MYB: variants seen among roughly 807,000 people sequenced by gnomAD.
MYB encodes MYB proto-oncogene, transcription factor.
In MYB, 28 loss-of-function variants were observed where a neutral mutation model predicts 92.9. That is an observed-to-expected ratio of 0.30 (90% CI 0.22 to 0.41). The LOEUF (loss-of-function observed/expected upper bound fraction) is 0.41, where lower values mean the gene tolerates loss of function less well. Among genes scored for constraint, MYB ranks in the 10% least tolerant of loss-of-function variants. The probability of loss-of-function intolerance (pLI) is 1.00; values close to 1 mark genes in which losing one functional copy is unlikely to be tolerated. For synonymous variants in MYB, 295 were observed against 329.1 expected (o/e 0.90, Z 1.12); for missense variants, 679 against 929.3 (o/e 0.73, Z 3.50).
At chr6:135,194,541 T>G in intron 8 of MYB, 81 bp downstream of exon 8, 1 of 972,084 alleles carries the variant, frequency 1.0e-6, no homozygotes, top group South Asian at 1.5e-5. Flanking sequence ...TTCTAAATAT[T>G]ACACTTAGCA....
intron 15 of MYB, among the ~76,000 whole-genome samples, chr6:135,215,657 C>T (rs1439876487): frequency 6.6e-6 from 1 of 152,132 alleles, no homozygotes; most frequent in African/African-American, 2.4e-5. Flanking sequence ...CAGCCCTCCC[C>T]CACTCCACAT....
At chr6:135,209,121 G>C (rs1779372798) in intron 15 of MYB, among the ~76,000 whole-genome samples, 1 of 152,152 alleles carries the variant, frequency 6.6e-6, no homozygotes, top group Non-Finnish European at 1.5e-5. Context: ...ACTGGAATCA[G>C]CCATTTCCCC....
rs1343552963 is a variant in MYB, at chr6:135,192,502, G to A, written c.706G>A (p.Gly236Ser). ...GCCTACAGCTCAACTCCCTGCCACT[G>A]GCCAGCCCACTGTTAACAACGACTA... The part of the protein sequence containing the change: ...APPTAQLPAT[G>S]QPTVNNDYSY... The change falls in exon 6 of 16, where the codon GGC becomes AGC. Residue 236 changes from glycine (G) to serine (S), a missense_variant. Gly to Ser is a moderately conservative substitution (Grantham distance 56). This residue lies in a region of MYB where 32 missense variants were observed against 29.9 expected (regional missense o/e 1.07). Coordinates refer to ENST00000341911, the MANE Select transcript of MYB (RefSeq NM_001130173.2). 3 of 1,614,236 alleles carry A rather than the reference G, an allele frequency of 1.9e-6. No individual in the cohort carries two copies. The highest frequency in any genetic ancestry group is 2.5e-6 in the Non-Finnish European group (3 of 1,180,046).
chr6:135,185,885 C>A lies in MYB; in HGVS notation c.24-18C>A. On this transcript the variant is annotated intron_variant, in intron 1 of 15. Coordinates refer to ENST00000341911, the MANE Select transcript of MYB (RefSeq NM_001130173.2). The stretch of plus-strand genomic sequence containing the variant: ...TCCTCTTGTTTCAGCCCACGTCTAC[C>A]CATTCTTATTTCTGCAGCATATATA... The A allele has an allele frequency of 1.9e-6, 3 of 1,587,750 alleles. No individual in the cohort carries two copies. The highest frequency in any genetic ancestry group is 1.1e-5 in the South Asian group (1 of 90,422).
intron 13 of MYB, among the ~76,000 whole-genome samples, chr6:135,201,006 G>A (rs980693114): frequency 2.6e-5 from 4 of 152,194 alleles, no homozygotes; most frequent in Admixed American, 2.0e-4. Context: ...GTGAACCCGG[G>A]AGGCAGATCT....
chr6:135,202,845 A>G (rs1446817972), intron 14 of MYB: 4 of 455,074 alleles, frequency 8.8e-6, no homozygotes, highest in African/African-American at 4.0e-5. Flanking sequence ...TAGCTCTAAA[A>G]TATTGATAGT....
chr6:135,194,548 A>G (rs1333761183), intron 8 of MYB, 88 bp downstream of exon 8: 8 of 899,698 alleles, frequency 8.9e-6, no homozygotes, highest in Admixed American at 2.5e-5. Flanking sequence ...TATTACACTT[A>G]GCAAGGCTCC....
intron 13 of MYB, among the ~76,000 whole-genome samples, chr6:135,201,334 C>T (rs184649028): frequency 8.5e-5 from 13 of 152,170 alleles, no homozygotes; most frequent in South Asian, 4.1e-4. Flanking sequence ...AAATCCTTGA[C>T]GGATACAACA....
intron 15 of MYB, among the ~76,000 whole-genome samples, chr6:135,215,510 G>C (rs1245282313): frequency 1.3e-5 from 2 of 152,178 alleles, no homozygotes; most frequent in African/African-American, 4.8e-5. Context: ...TCTGTAAAAT[G>C]GATGCAGTGA....
intron 14 of MYB, 69 bp downstream of exon 14, chr6:135,201,818 C>A: frequency 3.4e-6 from 3 of 876,730 alleles, no homozygotes; most frequent in Non-Finnish European, 4.9e-6. Context: ...CTGTGTGTGG[C>A]ATAGGGCTGC....
chr6:135,184,036 C>A (rs901520857), intron 1 of MYB, among the ~76,000 whole-genome samples: 1 of 152,150 alleles, frequency 6.6e-6, no homozygotes, highest in African/African-American at 2.4e-5. Flanking sequence ...TTGGCTGCCC[C>A]CTGCGGGCGG....
rs1780766442 is a variant in MYB, at chr6:135,219,039, G to C, written c.*1059G>C. On this transcript the variant is annotated 3_prime_UTR_variant, in exon 16 of 16. Coordinates refer to ENST00000341911, the MANE Select transcript of MYB (RefSeq NM_001130173.2). ...TGGATCCTGTGTTTGCAACTGGGGA[G>C]ACAGAAACTGTGGTTGATAGCCAGT... is the stretch of plus-strand genomic sequence containing the variant. The C allele has an allele frequency of 4.4e-6, 1 of 225,300 alleles. No individual in the cohort carries two copies. Among genetic ancestry groups the C allele is most frequent in the East Asian group, 6.4e-5 (1 of 15,688 alleles). 14.0% of individuals were successfully genotyped at this position (225,300 alleles called of 1,614,324 possible).
chr6:135,213,017 G>A lies in MYB; in HGVS notation c.2170-4847G>A, dbSNP rs114968647. 3.0e-3 allele frequency among the ~76,000 whole-genome samples: 456 copies of A among 152,274 alleles called. 3 individuals carry two copies. Among genetic ancestry groups the A allele is most frequent in the African/African-American group, 0.01 (436 of 41,548 alleles). On this transcript the variant is annotated intron_variant, in intron 15 of 15. Transcript: ENST00000341911. ...CTTGACTTTCACGACATAGGCATAT[G>A]TCTACTCTGACCAGTTTGTTTCATT... is the stretch of plus-strand genomic sequence containing the variant.
At position 135,218,154 on chromosome 6, in the gene MYB, C is replaced by A; in HGVS notation, c.*174C>A. 1.8e-6 allele frequency: 1 copy of A among 544,128 alleles called. No homozygotes were observed. The allele number at this position is 544,128 out of a possible 1,614,324, so 33.7% of individuals were successfully genotyped here. On this transcript the variant is annotated 3_prime_UTR_variant, in exon 16 of 16. Transcript: ENST00000341911. The stretch of plus-strand genomic sequence containing the variant: ...TGAATGAAGTCTTCTTGGATTTCAC[C>A]CAACTAAAAGGATTTTTAAAAATAA...
intron 15 of MYB, among the ~76,000 whole-genome samples, chr6:135,211,502 A>G (rs1313489097): frequency 1.3e-5 from 2 of 152,028 alleles, no homozygotes; most frequent in Non-Finnish European, 2.9e-5. Context: ...TTCTGAGATA[A>G]AAATCTTCCT....
intron 15 of MYB, among the ~76,000 whole-genome samples, chr6:135,204,711 C>A (rs748515584): frequency 6.6e-6 from 1 of 152,212 alleles, no homozygotes; most frequent in Non-Finnish European, 1.5e-5. Flanking sequence ...GGTAAAATGG[C>A]TGTGGACTGG....
chr6:135,181,612 G>A lies in MYB; in HGVS notation c.23+76G>A. The A allele has an allele frequency of 9.8e-7, 1 of 1,016,496 alleles. No individual in the cohort carries two copies. The highest frequency in any genetic ancestry group is 1.2e-6 in the Non-Finnish European group (1 of 811,960). 63.0% of individuals were successfully genotyped at this position (1,016,496 alleles called of 1,614,324 possible). On this transcript the variant is annotated intron_variant, in intron 1 of 15. Coordinates refer to ENST00000341911, the MANE Select transcript of MYB (RefSeq NM_001130173.2). The surrounding 1 kb of genome is among the most constrained non-coding windows in gnomAD (Gnocchi z 5.3). ...CGGGGCGCCAGGCTCCCGGGAGCAG[G>A]TGGGAATTCGTTCCGGGATCATCTG... is the stretch of plus-strand genomic sequence containing the variant.
chr6:135,204,350 G>C (rs1290065976), intron 15 of MYB, among the ~76,000 whole-genome samples: 1 of 152,226 alleles, frequency 6.6e-6, no homozygotes, highest in Non-Finnish European at 1.5e-5. Flanking sequence ...CCAGGCTGGA[G>C]TGTAGTGGGG....
chr6:135,194,666 TA>T, intron 8 of MYB: 1 of 574,098 alleles, frequency 1.7e-6, no homozygotes, highest in Non-Finnish European at 3.0e-6. Context: ...GTAATTGCAA[TA>T]AAAATGCAAT....
Sources: gnomAD v4.1 joint callset for allele counts (sites outside exome capture counted in the v4.1 genomes callset) on GRCh38, gnomAD v4.1.1 for gene constraint, gnomAD v4.1.1 regional missense constraint, Gnocchi (gnomAD v3.1) non-coding constraint, MANE v1.5 for transcripts, NCBI Gene and HGNC (gene_info 2026-07-23, HGNC 2026-07-21) for gene names.